Variants in ADARB2 observed in about 807,000 individuals in gnomAD.
The protein encoded by ADARB2 is inactive double-stranded RNA-specific editase B2.
In ADARB2, 25 loss-of-function variants were observed where a neutral mutation model predicts 62.2. That is an observed-to-expected ratio of 0.40 (90% CI 0.29 to 0.56). The LOEUF (loss-of-function observed/expected upper bound fraction) is 0.56. Among genes scored for constraint, ADARB2 ranks in the 20% least tolerant of loss-of-function variants. The pLI is 0.43. For synonymous variants in ADARB2, 572 were observed against 500.8 expected, an observed-to-expected ratio of 1.14 and a Z score of -1.90; for missense variants, 1,071 against 1,077.4, an observed-to-expected ratio of 0.99 and a Z score of 0.08.
At chr10:1,223,532 C>A (rs901615319) in intron 6 of ADARB2, among the ~76,000 whole-genome samples, 1 of 152,096 alleles carries the variant, frequency 6.6e-6, no homozygotes, top group Non-Finnish European at 1.5e-5. Flanking sequence ...CAGTTTTTGC[C>A]CATTCAGTAT....
At chr10:1,250,474 TC>T (rs1831028167) in intron 4 of ADARB2, among the ~76,000 whole-genome samples, 1 of 152,120 alleles carries the variant, frequency 6.6e-6, no homozygotes, top group Non-Finnish European at 1.5e-5. Context: ...AGCCACGATG[TC>T]CCTTAGTCTT....
intron 1 of ADARB2, among the ~76,000 whole-genome samples, chr10:1,572,392 G>A (rs778976251): frequency 2.6e-5 from 4 of 152,146 alleles, no homozygotes; most frequent in South Asian, 2.1e-4. Context: ...ATGCTGTGAC[G>A]CCACCAGCAT....
At chr10:1,357,346 A>G (rs1305915560) in intron 3 of ADARB2, among the ~76,000 whole-genome samples, 3 of 152,154 alleles carry the variant, frequency 2.0e-5, no homozygotes, top group Non-Finnish European at 4.4e-5. Context: ...TGCTCTGAGA[A>G]AAATGAGGGA....
chr10:1,573,712 A>G (rs566850724), intron 1 of ADARB2, among the ~76,000 whole-genome samples: 4 of 152,196 alleles, frequency 2.6e-5, no homozygotes, highest in Non-Finnish European at 5.9e-5. Flanking sequence ...GAGGTTTTCC[A>G]TGCAGCAGGC....
intron 1 of ADARB2, among the ~76,000 whole-genome samples, chr10:1,389,901 T>A (rs1832555760): frequency 6.6e-6 from 1 of 152,148 alleles, no homozygotes; most frequent in Non-Finnish European, 1.5e-5. Flanking sequence ...AATGTCTTGG[T>A]TGTTAAACAT....
intron 1 of ADARB2, among the ~76,000 whole-genome samples, chr10:1,729,707 G>T (rs1835209202): frequency 6.6e-6 from 1 of 152,194 alleles, no homozygotes; most frequent in African/African-American, 2.4e-5. Context: ...CTCAAGTCCT[G>T]CTTCTTAGCA....
chr10:1,718,760 C>A (rs1359214259), intron 1 of ADARB2, among the ~76,000 whole-genome samples: 1 of 151,732 alleles, frequency 6.6e-6, no homozygotes, highest in East Asian at 2.0e-4. Context: ...CTCTGCCCTC[C>A]CAGGAGGGGG....
intron 1 of ADARB2, among the ~76,000 whole-genome samples, chr10:1,512,744 T>C (rs1242400515): frequency 2.0e-5 from 3 of 151,888 alleles, no homozygotes; most frequent in East Asian, 3.9e-4. Flanking sequence ...ATTGGAAGAG[T>C]TGTTTGTCCC....
rs1836682827 is a variant in ADARB2 at position 1,182,144 on chromosome 10, G to A, written c.*1049C>T. ...GTAGCCTCTCAAGCTGAAGGTAAAG[G>A]TTGTTTTGATTTTATTTTGTGCTTG... On this transcript the variant is annotated 3_prime_UTR_variant, in exon 10 of 10. Transcript: ENST00000381312. The A allele has an allele frequency of 6.6e-6, 1 of 152,232 alleles. No individual in the cohort carries two copies. The highest frequency in any genetic ancestry group is 2.4e-5 in the African/African-American group (1 of 41,470). 9.4% of individuals were successfully genotyped at this position (152,232 alleles called of 1,614,324 possible).
chr10:1,512,696 AG>A (rs1337788693), intron 1 of ADARB2, among the ~76,000 whole-genome samples: 1 of 152,250 alleles, frequency 6.6e-6, no homozygotes, highest in Non-Finnish European at 1.5e-5. Flanking sequence ...ACACCTTCTC[AG>A]GGGTCATAGC....
At chr10:1,570,644 G>A (rs1588306544) in intron 1 of ADARB2, among the ~76,000 whole-genome samples, 1 of 152,214 alleles carries the variant, frequency 6.6e-6, no homozygotes, top group East Asian at 1.9e-4. Context: ...ACAGCAGTGG[G>A]TGAGTCAGGA....
At chr10:1,521,239 G>C (rs942671563) in intron 1 of ADARB2, among the ~76,000 whole-genome samples, 2 of 152,162 alleles carry the variant, frequency 1.3e-5, no homozygotes, top group African/African-American at 2.4e-5. Flanking sequence ...CCATAGATGA[G>C]TTGGGTCCCA....
At chr10:1,439,686 A>G (rs1222548633) in intron 1 of ADARB2, among the ~76,000 whole-genome samples, 2 of 126,478 alleles carry the variant, frequency 1.6e-5, no homozygotes, top group African/African-American at 6.4e-5. Flanking sequence ...TCTCCTCAGC[A>G]GATGGAGGCA....
At chr10:1,201,497 G>A (rs144833370) in intron 7 of ADARB2, among the ~76,000 whole-genome samples, 248 of 152,300 alleles carry the variant, frequency 1.6e-3, no homozygotes, top group African/African-American at 5.4e-3. Flanking sequence ...GCCACTGGAT[G>A]TGCGAGCTTC....
chr10:1,406,762 G>A (rs976848570), intron 1 of ADARB2, among the ~76,000 whole-genome samples: 2 of 152,196 alleles, frequency 1.3e-5, no homozygotes, highest in Admixed American at 6.5e-5. Flanking sequence ...TGACACCAAC[G>A]CCCTTTCCCC....
intron 1 of ADARB2, among the ~76,000 whole-genome samples, chr10:1,729,448 G>C (rs2119044701): frequency 6.6e-6 from 1 of 152,320 alleles, no homozygotes; most frequent in East Asian, 1.9e-4. Flanking sequence ...ATCTGCTCCA[G>C]ACAGGGATGA....
At chr10:1,561,758 C>T (rs115075408) in intron 1 of ADARB2, among the ~76,000 whole-genome samples, 2,608 of 152,194 alleles carry the variant, frequency 0.017, 74 homozygotes, top group African/African-American at 0.058. Flanking sequence ...TCCTCCTGCC[C>T]GAAGACCTTC....
intron 3 of ADARB2, among the ~76,000 whole-genome samples, chr10:1,334,729 T>C (rs1246535081): frequency 7.4e-6 from 1 of 134,464 alleles, no homozygotes; most frequent in Non-Finnish European, 1.6e-5. Context: ...ATTAGCCTCT[T>C]ATTTTAATGT....
At chr10:1,276,444 T>C (rs200549480) in intron 3 of ADARB2, among the ~76,000 whole-genome samples, 43,292 of 151,950 alleles carry the variant, frequency 0.28, 7,117 homozygotes, top group South Asian at 0.53. Flanking sequence ...AAAATTTTCT[T>C]CCATTTTGTA....
Sources: gnomAD v4.1 joint callset for allele counts (sites outside exome capture counted in the v4.1 genomes callset) on GRCh38, gnomAD v4.1.1 for gene constraint, MANE v1.5 for transcripts, NCBI Gene and HGNC (gene_info 2026-07-23, HGNC 2026-07-21) for gene names.